TCP11X2: variants seen among roughly 807,000 people sequenced by gnomAD.
TCP11X2 encodes T-complex protein 11-like X-linked protein 2.
Under a neutral mutation model 16.0 loss-of-function variants are expected in TCP11X2, and 1 was observed. The observed-to-expected ratio is 0.06, with a 90% confidence interval of 0.02 to 0.30. The LOEUF (loss-of-function observed/expected upper bound fraction) is 0.30, where lower values mean the gene tolerates loss of function less well. TCP11X2 is among the 10% of genes least tolerant of loss of function. The pLI is 1.00. For synonymous variants in TCP11X2, 2 were observed against 72.2 expected (o/e 0.03, Z 4.93); for missense variants, 13 against 184.6 (o/e 0.07, Z 5.39).
At chrX:102,466,666 C>G (rs1445758652) in intron 3 of TCP11X2, among the ~76,000 whole-genome samples, 111 of 4,162 alleles carry the variant, frequency 0.027, 2 homozygotes, top group African/African-American at 0.047. Context: ...CCCTCATGTC[C>G]TTTATCCACT....
At chrX:102,463,447 C>T (rs1421492061) in intron 6 of TCP11X2, 102 bp from the exon 7 acceptor site, 1 of 952,669 alleles carries the variant, frequency 1.0e-6, no homozygotes, top group Non-Finnish European at 1.5e-6. Flanking sequence ...GTAGATCTTT[C>T]TATCTTAGAG....
At chrX:102,460,946 C>CATG (rs1202060415) in intron 9 of TCP11X2, among the ~76,000 whole-genome samples, 2 of 80,772 alleles carry the variant, frequency 2.5e-5, no homozygotes, top group African/African-American at 9.8e-5. Flanking sequence ...AAGGACAATG[C>CATG]ATGATCAAAA....
At chrX:102,466,745 C>CT (rs202213491) in intron 3 of TCP11X2, among the ~76,000 whole-genome samples, 78 of 2,123 alleles carry the variant, frequency 0.037, 5 homozygotes, top group African/African-American at 0.056. Context: ...ACTGTCATCT[C>CT]TTTCCTGAAC....
At chrX:102,460,461 TG>T, downstream of TCP11X2, 3 of 433,135 alleles carry the variant, frequency 6.9e-6, no homozygotes, top group Admixed American at 1.4e-4. Context: ...CCCAGAAACA[TG>T]CTGACCTCTC....
At chrX:102,466,422 A>AAAT (rs1158082257) in intron 3 of TCP11X2, among the ~76,000 whole-genome samples, 9 of 12,319 alleles carry the variant, frequency 7.3e-4, no homozygotes, top group African/African-American at 1.4e-3. Flanking sequence ...AAAAAAAAAA[A>AAAT]ATATATATAT....
At chrX:102,466,426 T>C (rs1205893183) in intron 3 of TCP11X2, among the ~76,000 whole-genome samples, 1 of 20,486 alleles carries the variant, frequency 4.9e-5, no homozygotes, top group Non-Finnish European at 1.2e-4. Flanking sequence ...AAAAAAAATA[T>C]ATATATATAT....
chrX:102,463,222 G>A, exon 7 of TCP11X2: 7 of 1,167,000 alleles, frequency 6.0e-6, no homozygotes, highest in Non-Finnish European at 8.0e-6. Context: ...ATTGTTACCT[G>A]CCCCGCTTGG....
chrX:102,463,411 C>T (rs1934586488), intron 6 of TCP11X2, 66 bp from the exon 7 acceptor site: 1 of 1,046,236 alleles, frequency 9.6e-7, no homozygotes, highest in South Asian at 2.0e-5. Flanking sequence ...CTGAGACATA[C>T]TCTTGGTCTA....
At chrX:102,463,300 T>C in exon 7 of TCP11X2, 1 of 1,165,999 alleles carries the variant, frequency 8.6e-7, no homozygotes, top group Non-Finnish European at 1.1e-6. Context: ...TGTAGTGATG[T>C]CTGTGGCTGC....
At chrX:102,466,389 G>A (rs1483343314) in intron 3 of TCP11X2, among the ~76,000 whole-genome samples, 2 of 4,625 alleles carry the variant, frequency 4.3e-4, no homozygotes, top group Admixed American at 0.01. Flanking sequence ...AGCGAGACTC[G>A]GTCTCAAAAA....
intron 3 of TCP11X2, among the ~76,000 whole-genome samples, chrX:102,466,418 A>ATAT (rs1934602977): frequency 2.4e-5 from 1 of 42,031 alleles, no homozygotes; most frequent in African/African-American, 6.0e-5. Flanking sequence ...AAAAAAAAAA[A>ATAT]AAAAATATAT....
At chrX:102,463,202 G>C (rs1934582673) in exon 7 of TCP11X2, 2 of 1,167,192 alleles carry the variant, frequency 1.7e-6, no homozygotes, top group African/African-American at 3.5e-5. Flanking sequence ...GTTGGACTGG[G>C]GGGCTCTGAA....
intron 3 of TCP11X2, among the ~76,000 whole-genome samples, chrX:102,467,439 A>G (rs1233844103): frequency 9.7e-6 from 1 of 103,529 alleles, no homozygotes; most frequent in Non-Finnish European, 2.0e-5. Context: ...ACTGTCAATT[A>G]TCTGTAGATA....
At chrX:102,466,381 C>T (rs1235585077) in intron 3 of TCP11X2, among the ~76,000 whole-genome samples, 264 of 11,430 alleles carry the variant, frequency 0.023, 4 homozygotes, top group African/African-American at 0.067. Context: ...GGTGACAGAG[C>T]GAGACTCGGT....
Position 102,463,309 on chromosome X carries a change from GC to G in TCP11X2, c.745del (p.Ala249GlnfsTer48), listed in dbSNP as rs782116629. On this transcript the variant is annotated frameshift_variant, in exon 7 of 10. Coordinates refer to ENST00000642911, the Ensembl canonical transcript of TCP11X2. LOFTEE classifies it high-confidence loss of function. ...ACATAGTGTAGTGATGTCTGTGGCT[GC>G]TTTGGTTAGCCATTTTGTGGTATAA... 118,734 of 1,063,051 alleles carry G rather than the reference GC, an allele frequency of 0.11. 3 individuals carry two copies. Among genetic ancestry groups the G allele is most frequent in the Middle Eastern group, 0.14 (537 of 3,803 alleles). The allele number at this position is 1,063,051 out of a possible 1,213,427, so 87.6% of individuals were successfully genotyped here. A position where few individuals can be genotyped will look rare whatever the true frequency, so the allele number is the denominator to read the frequency against.
rs1163671726 is a variant in TCP11X2 at position 102,463,195 on chromosome X, G to A, written c.860C>T (p.Pro287Leu). Reference sequence around the variant, plus strand: ...GTAGCCTTGGTATAGCACCATTGTTGGACTGGGGGGCTCTGAATTGTTACC... The same window carrying A: ...GTAGCCTTGGTATAGCACCATTGTTAGACTGGGGGGCTCTGAATTGTTACC... The change falls in exon 7 of 10, where the codon CCA (proline) becomes CTA (leucine). Residue 287 changes from proline (P) to leucine (L), a missense_variant. Transcript: ENST00000642911. The A allele has an allele frequency of 3.4e-6, 4 of 1,167,800 alleles. No homozygotes were observed. The East Asian group carries it at 1.3e-4, about 38-fold the overall frequency.
chrX:102,466,422 AAT>A (rs1556397238), intron 3 of TCP11X2, among the ~76,000 whole-genome samples: 167 of 12,275 alleles, frequency 0.014, 7 homozygotes, highest in African/African-American at 0.023. Context: ...AAAAAAAAAA[AAT>A]ATATATATAT....
chrX:102,467,786 TA>T (rs1934615546), intron 3 of TCP11X2, among the ~76,000 whole-genome samples: 1 of 6,694 alleles, frequency 1.5e-4, no homozygotes, highest in East Asian at 2.2e-3. Flanking sequence ...AAGGAAAATC[TA>T]AGAAGTATGA....
rs1934589053 is a variant in TCP11X2 at position 102,463,581 on chromosome X, TTTAAA to T, written c.709+6_709+10del. On this transcript the variant is annotated splice_donor_region_variant and intron_variant, in intron 6 of 9. Coordinates refer to ENST00000642911, the Ensembl canonical transcript of TCP11X2. Reference sequence around the variant, plus strand: ...AATCTCCCCTCTCCTGCCCTTGAATTTTAAACATACTGGGCTGTTTATCAAGGAGT... The same window carrying T: ...AATCTCCCCTCTCCTGCCCTTGAATTCATACTGGGCTGTTTATCAAGGAGT... The T allele has an allele frequency of 9.1e-7, 1 of 1,102,130 alleles. No individual in the cohort carries two copies. The highest frequency in any genetic ancestry group is 3.7e-5 in the Admixed American group (1 of 27,334). The allele number at this position is 1,102,130 out of a possible 1,213,427, so 90.8% of individuals were successfully genotyped here.
Sources: gnomAD v4.1 joint callset for allele counts (sites outside exome capture counted in the v4.1 genomes callset) on GRCh38, gnomAD v4.1.1 for gene constraint, MANE v1.5 for transcripts, NCBI Gene and HGNC (gene_info 2026-07-23, HGNC 2026-07-21) for gene names.